The following FSTL4 variants were observed in gnomAD, a reference collection of about 807,000 sequenced individuals.
FSTL4 encodes the protein follistatin like 4, also known as follistatin-related protein 4.
A neutral mutation model predicts 78.2 loss-of-function variants in FSTL4; 28 were observed. That is an observed-to-expected ratio of 0.36 (90% CI 0.27 to 0.49). The LOEUF (loss-of-function observed/expected upper bound fraction) is 0.49. FSTL4 is among the 20% of genes least tolerant of loss of function. The pLI, the probability that FSTL4 is intolerant of heterozygous loss-of-function variation, is 0.98. For missense variants in FSTL4, 922 were observed against 1,084.9 expected (o/e 0.85, Z 2.11); for synonymous variants, 422 against 440.5 (o/e 0.96, Z 0.53).
At chr5:133,811,315 G>A in the FSTL4 span, among the ~76,000 whole-genome samples, 2 of 152,062 alleles carry the variant, frequency 1.3e-5, no homozygotes, top group African/African-American at 2.4e-5. Flanking sequence ...CATACCTAGG[G>A]GGCCCTTTCA....
chr5:133,533,682 G>A (rs191057560), intron 3 of FSTL4, among the ~76,000 whole-genome samples: 109 of 152,282 alleles, frequency 7.2e-4, no homozygotes, highest in African/African-American at 2.5e-3. Flanking sequence ...AACCTAGTGA[G>A]GAGCGGAACA....
chr5:133,404,818 C>T (rs866977552), intron 3 of FSTL4, among the ~76,000 whole-genome samples: 5 of 152,202 alleles, frequency 3.3e-5, no homozygotes, highest in African/African-American at 1.2e-4. Context: ...CCGTTGTTCT[C>T]CCACAGCCAG....
intron 3 of FSTL4, among the ~76,000 whole-genome samples, chr5:133,562,322 T>C (rs987501623): frequency 2.0e-5 from 3 of 152,066 alleles, no homozygotes; most frequent in African/African-American, 7.2e-5. Flanking sequence ...CTACACAAAA[T>C]CAAAATTAAT....
At chr5:133,771,954 C>A in the FSTL4 span, among the ~76,000 whole-genome samples, 618 of 152,240 alleles carry the variant, frequency 4.1e-3, 5 homozygotes, top group Middle Eastern at 0.034. Flanking sequence ...CTTAGTTATA[C>A]ATTATTTAAT....
intron 2 of FSTL4, among the ~76,000 whole-genome samples, chr5:133,591,485 C>T (rs1378353083): frequency 2.6e-5 from 4 of 152,142 alleles, no homozygotes; most frequent in African/African-American, 9.7e-5. Context: ...TGTCCTCCAC[C>T]CACAATAACC....
In FSTL4 at chr5:133,496,051, C is replaced by T. The variant is rs77085975; in HGVS notation, c.160+71135G>A. 5.0e-3 allele frequency among the ~76,000 whole-genome samples: 766 copies of T among 152,130 alleles called. 25 individuals carry two copies. The East Asian group carries it at 0.086, about 17-fold the overall frequency. On this transcript the variant is annotated intron_variant, in intron 3 of 15. Transcript: ENST00000265342. The stretch of plus-strand genomic sequence containing the variant: ...CAGATGTGTTGTGCTGCAGCTCTGA[C>T]GCTGGGAGCAGAAGGACCAATGCCA...
chr5:133,269,074 C>T (rs1235873364), intron 6 of FSTL4, among the ~76,000 whole-genome samples: 6 of 149,222 alleles, frequency 4.0e-5, no homozygotes, highest in Non-Finnish European at 8.9e-5. Context: ...CCCAGCTACT[C>T]GGGAGGCTGA....
chr5:133,419,296 T>A (rs1381535124), intron 3 of FSTL4, among the ~76,000 whole-genome samples: 5 of 152,146 alleles, frequency 3.3e-5, no homozygotes, highest in African/African-American at 1.2e-4. Context: ...ATTTTTGTAT[T>A]TTTAGTAGAG....
At chr5:133,210,360 T>A in intron 13 of FSTL4, 62 bp from the exon 14 acceptor site, 1 of 974,320 alleles carries the variant, frequency 1.0e-6, no homozygotes, top group Non-Finnish European at 1.7e-6. Flanking sequence ...GGGCGTTGTA[T>A]GCATGGGCAT....
the FSTL4 span, among the ~76,000 whole-genome samples, chr5:133,666,569 G>A: frequency 2.1e-4 from 30 of 144,890 alleles, no homozygotes; most frequent in East Asian, 4.8e-3. Flanking sequence ...TTTCTCAACT[G>A]TTCTCTGTTT....
chr5:133,815,331 A>C, the FSTL4 span, among the ~76,000 whole-genome samples: 8 of 152,190 alleles, frequency 5.3e-5, no homozygotes, highest in East Asian at 1.5e-3. Flanking sequence ...CTTCATGATG[A>C]TTTTTCTGGG....
the FSTL4 span, among the ~76,000 whole-genome samples, chr5:133,814,576 G>T: frequency 7.2e-5 from 11 of 152,270 alleles, no homozygotes; most frequent in Middle Eastern, 3.4e-3. Flanking sequence ...GGAGAGAAAA[G>T]GTTCAGATGA....
the FSTL4 span, among the ~76,000 whole-genome samples, chr5:133,624,637 T>C: frequency 6.6e-6 from 1 of 152,002 alleles, no homozygotes; most frequent in Non-Finnish European, 1.5e-5. Context: ...GTGGGTTTAT[T>C]TCTGGGTTCT....
intron 13 of FSTL4, among the ~76,000 whole-genome samples, chr5:133,212,987 T>C (rs1750785262): frequency 6.6e-6 from 1 of 151,862 alleles, no homozygotes; most frequent in South Asian, 2.1e-4. Flanking sequence ...TAGAATTCTA[T>C]ACTCAGTGAA....
chr5:133,204,872 A>ACACTT (rs1403867953), intron 14 of FSTL4, among the ~76,000 whole-genome samples: 1 of 151,684 alleles, frequency 6.6e-6, no homozygotes, highest in Non-Finnish European at 1.5e-5. Context: ...CTTTTGGTTA[A>ACACTT]CACTTCCCAA....
intron 6 of FSTL4, among the ~76,000 whole-genome samples, chr5:133,309,849 C>T (rs1252288565): frequency 6.6e-6 from 1 of 152,220 alleles, no homozygotes; most frequent in East Asian, 1.9e-4. Context: ...AAAATAGAGA[C>T]TAGAAAATAA....
At chr5:133,362,931 A>G (rs1295296959) in intron 4 of FSTL4, among the ~76,000 whole-genome samples, 1 of 151,388 alleles carries the variant, frequency 6.6e-6, no homozygotes, top group African/African-American at 2.4e-5. Flanking sequence ...TTTCTTTTCT[A>G]TTTCATCTTA....
intron 4 of FSTL4, among the ~76,000 whole-genome samples, chr5:133,351,014 G>A (rs1754810138): frequency 6.6e-6 from 1 of 152,214 alleles, no homozygotes; most frequent in South Asian, 2.1e-4. Context: ...TAAAGGAGGA[G>A]GTGGGAAGAT....
rs763865240 is a variant in FSTL4, at chr5:133,249,207, T to C, written c.894+203A>G. Among the ~76,000 whole-genome samples, 91 of 152,214 alleles carry C rather than the reference T, an allele frequency of 6.0e-4. 1 individual carries two copies. The highest frequency in any genetic ancestry group is 9.7e-4 in the Non-Finnish European group (66 of 68,046). ...CTCTCTTCTCTTCCTTAGCCGGACATAGCATGGCCACCATTCATCTATTTT... is the reference window on the plus strand; with the variant it reads ...CTCTCTTCTCTTCCTTAGCCGGACACAGCATGGCCACCATTCATCTATTTT... On this transcript the variant is annotated intron_variant, in intron 7 of 15. Transcript: ENST00000265342.
Sources: allele counts gnomAD v4.1 joint callset (sites outside exome capture counted in the v4.1 genomes callset), GRCh38; gene constraint gnomAD v4.1.1; transcripts MANE v1.5; gene names NCBI Gene and HGNC (gene_info 2026-07-23, HGNC 2026-07-21).